Variants in PRKCB observed in about 807,000 individuals in gnomAD.
PRKCB encodes protein kinase C beta.
Under a neutral mutation model 81.5 loss-of-function variants are expected in PRKCB, and 13 were observed. The ratio of observed to expected loss-of-function variants is 0.16; its 90% CI spans 0.10 to 0.25. The LOEUF is 0.25. Ranked by LOEUF, PRKCB falls within the 10% of genes least tolerant of loss-of-function variation. The pLI is 1.00. For missense variants in PRKCB, 509 were observed against 875.7 expected (o/e 0.58, Z 5.29); for synonymous variants, 335 against 321.4 (o/e 1.04, Z -0.45).
At chr16:23,925,628 A>G (rs1963886667) in intron 2 of PRKCB, among the ~76,000 whole-genome samples, 1 of 152,094 alleles carries the variant, frequency 6.6e-6, no homozygotes, top group East Asian at 1.9e-4. Flanking sequence ...AATTTTTTAA[A>G]AAAAGTTTTT....
Position 23,959,129 on chromosome 16 carries a change from A to G in PRKCB, c.206-29379A>G, listed in dbSNP as rs150546234. ...ATTGTAAGTATTGGGAGTATTGGTT[A>G]AAATAATTACAAAATAAACAATCTC... On this transcript the variant is annotated intron_variant, in intron 2 of 16. Transcript: ENST00000643927. 2.2e-4 allele frequency among the ~76,000 whole-genome samples: 33 copies of G among 152,340 alleles called. No homozygotes were observed. The East Asian group carries it at 5.8e-3, about 27-fold the overall frequency.
Position 24,216,529 on chromosome 16 carries a change from A to T in PRKCB, c.*1713A>T, listed in dbSNP as rs572188065. The stretch of plus-strand genomic sequence containing the variant: ...TTCCAGAAGTTCCAGGGCTTCTGAG[A>T]GACCATCAAGGGAACTTTAACAACT... On this transcript the variant is annotated 3_prime_UTR_variant, in exon 17 of 17. Coordinates refer to ENST00000643927, the MANE Select transcript of PRKCB (RefSeq NM_002738.7). The T allele has an allele frequency of 4.1e-6, 4 of 985,454 alleles. No homozygotes were observed. The African/African-American group carries it at 7.0e-5, about 17-fold the overall frequency. 61.0% of individuals were successfully genotyped at this position (985,454 alleles called of 1,614,324 possible).
At chr16:23,866,847 C>T (rs1013120623) in intron 2 of PRKCB, among the ~76,000 whole-genome samples, 5 of 152,142 alleles carry the variant, frequency 3.3e-5, no homozygotes, top group Admixed American at 3.3e-4. Flanking sequence ...ATTATCAGGC[C>T]TTAACACTTT....
At chr16:24,102,903 GTTTGT>G (rs1328036746) in intron 7 of PRKCB, among the ~76,000 whole-genome samples, 8 of 151,886 alleles carry the variant, frequency 5.3e-5, no homozygotes, top group African/African-American at 1.7e-4. Flanking sequence ...TTTTTTGTTT[GTTTGT>G]TTTGAGACGG....
At chr16:24,058,251 C>T (rs1344372151) in intron 5 of PRKCB, among the ~76,000 whole-genome samples, 2 of 152,076 alleles carry the variant, frequency 1.3e-5, no homozygotes, top group Non-Finnish European at 2.9e-5. Flanking sequence ...ACTCCCTATC[C>T]CATTACTCTG....
At position 23,836,626 on chromosome 16, in the gene PRKCB, G is replaced by A. The variant is rs533495714; in HGVS notation, c.173+278G>A. ...AGCGCCCAGGGGCGGCGTCGCGGGA[G>A]CCTTTGCTCCACCTGACTAGGAGCG... On this transcript the variant is annotated intron_variant, in intron 1 of 16. Transcript: ENST00000643927. 2.7e-4 allele frequency among the ~76,000 whole-genome samples: 41 copies of A among 152,004 alleles called. No individual in the cohort carries two copies. In the South Asian group the frequency reaches 7.7e-3, roughly 28 times the overall value.
At chr16:24,100,433 A>T (rs1211857388) in intron 7 of PRKCB, among the ~76,000 whole-genome samples, 2 of 152,114 alleles carry the variant, frequency 1.3e-5, no homozygotes, top group African/African-American at 2.4e-5. Context: ...AGTTCCCTCC[A>T]TGCAGCACCC....
At chr16:24,205,229 C>A (rs1968026989) in intron 16 of PRKCB, among the ~76,000 whole-genome samples, 1 of 148,940 alleles carries the variant, frequency 6.7e-6, no homozygotes, top group Non-Finnish European at 1.5e-5. Flanking sequence ...TAGCTCACTG[C>A]AGCCTCCAGT....
chr16:23,922,510 A>G (rs910651018), intron 2 of PRKCB, among the ~76,000 whole-genome samples: 20 of 152,236 alleles, frequency 1.3e-4, no homozygotes, highest in Non-Finnish European at 2.4e-4. Flanking sequence ...TTTAAAGACT[A>G]TATGCAAATG....
chr16:24,219,464 A>C lies in PRKCB; in HGVS notation c.*4648A>C. The C allele has an allele frequency of 1.0e-6, 1 of 986,648 alleles. No individual in the cohort carries two copies. 61.1% of individuals were successfully genotyped at this position (986,648 alleles called of 1,614,324 possible). The stretch of plus-strand genomic sequence containing the variant: ...AGTGATCTGATTTCTCCACATGGCC[A>C]TTCTGCCTTCTTGGGGGCAGAGTAG... On this transcript the variant is annotated 3_prime_UTR_variant, in exon 17 of 17. Transcript: ENST00000643927.
At position 24,040,320 on chromosome 16, in the gene PRKCB, A is replaced by G. The variant is rs151049027; in HGVS notation, c.529+4773A>G. ...TCTTTTAATCCTTGGTCCTCTGCAG[A>G]CTGCCACACACCATAAGACATCTGT... On this transcript the variant is annotated intron_variant, in intron 5 of 16. Transcript: ENST00000643927. Among the ~76,000 whole-genome samples, 6 of 152,130 alleles carry G rather than the reference A, an allele frequency of 3.9e-5. No homozygotes were observed. In the East Asian group the frequency reaches 7.7e-4, roughly 20 times the overall value.
intron 9 of PRKCB, among the ~76,000 whole-genome samples, chr16:24,132,780 T>C (rs1301248581): frequency 9.2e-6 from 1 of 108,974 alleles, no homozygotes; most frequent in African/African-American, 3.9e-5. Flanking sequence ...GCTTTTTTTT[T>C]TTTTTTTTTT....
rs367549928 is a variant in PRKCB at position 24,160,286 on chromosome 16, A to ATTATTAAAAT, written c.1239+5433_1239+5442dup. On this transcript the variant is annotated intron_variant, in intron 10 of 16. Transcript: ENST00000643927. ...AGATAAGATTTTATCCATGGGAATGATTATTAAAATTTAGGGAGCACTGCA... is the reference window on the plus strand; with the variant it reads ...AGATAAGATTTTATCCATGGGAATGATTATTAAAATTTATTAAAATTTAGGGAGCACTGCA... Among the ~76,000 whole-genome samples, 84 of 149,888 alleles carry ATTATTAAAAT rather than the reference A, an allele frequency of 5.6e-4. 1 individual carries two copies. Among genetic ancestry groups the ATTATTAAAAT allele is most frequent in the African/African-American group, 1.9e-3 (79 of 40,742 alleles).
rs760126877 is a variant in PRKCB at position 24,219,009 on chromosome 16, A to T, written c.*4193A>T. ...GTCATATATAGGAGGTGAGGACTCCAGCTCCACCTGCCCCAGGTGGGTGTG... is the reference window on the plus strand; with the variant it reads ...GTCATATATAGGAGGTGAGGACTCCTGCTCCACCTGCCCCAGGTGGGTGTG... On this transcript the variant is annotated 3_prime_UTR_variant, in exon 17 of 17. Coordinates refer to ENST00000643927, the MANE Select transcript of PRKCB (RefSeq NM_002738.7). The T allele has an allele frequency of 1.9e-4, 184 of 985,276 alleles. No homozygotes were observed. The highest frequency in any genetic ancestry group is 2.1e-4 in the Non-Finnish European group (178 of 829,938). The allele number at this position is 985,276 out of a possible 1,614,324, so 61.0% of individuals were successfully genotyped here.
intron 4 of PRKCB, among the ~76,000 whole-genome samples, chr16:24,032,808 G>A (rs1364015962): frequency 2.0e-5 from 3 of 152,224 alleles, no homozygotes; most frequent in Non-Finnish European, 4.4e-5. Context: ...TGGCATGTGA[G>A]ATGCACAGTC....
At chr16:24,060,180 A>C (rs1365652377) in intron 5 of PRKCB, among the ~76,000 whole-genome samples, 2 of 152,210 alleles carry the variant, frequency 1.3e-5, no homozygotes, top group Non-Finnish European at 2.9e-5. Context: ...TTCAAGTCCC[A>C]GCTCTGCCAC....
intron 3 of PRKCB, among the ~76,000 whole-genome samples, chr16:24,029,750 A>T (rs986268715): frequency 3.9e-5 from 6 of 152,224 alleles, no homozygotes; most frequent in Non-Finnish European, 7.3e-5. Context: ...ACAATTTTAA[A>T]GGAGGCATCT....
At chr16:24,056,275 T>C (rs1022792243) in intron 5 of PRKCB, among the ~76,000 whole-genome samples, 10 of 152,344 alleles carry the variant, frequency 6.6e-5, no homozygotes, top group Non-Finnish European at 1.3e-4. Context: ...TGACCTGGGC[T>C]AATCACCATC....
intron 2 of PRKCB, among the ~76,000 whole-genome samples, chr16:23,982,091 TTTCCTTTTCCCTTCCC>T (rs1964734537): frequency 3.4e-5 from 1 of 29,258 alleles, no homozygotes; most frequent in Non-Finnish European, 6.1e-5. Flanking sequence ...TTCCCTTCCC[TTTCCTTTTCCCTTCCC>T]TTCCCTTTCC....
Sources: gnomAD v4.1 joint callset for allele counts (sites outside exome capture counted in the v4.1 genomes callset) on GRCh38, gnomAD v4.1.1 for gene constraint, MANE v1.5 for transcripts, NCBI Gene and HGNC (gene_info 2026-07-23, HGNC 2026-07-21) for gene names.